The following RBMS3 variants were observed in gnomAD, a reference collection of about 807,000 sequenced individuals.
RBMS3 encodes RNA binding motif single stranded interacting protein 3.
In RBMS3, 27 loss-of-function variants were observed where a neutral mutation model predicts 66.8. That is an observed-to-expected ratio of 0.40 (90% CI 0.30 to 0.56). RBMS3 has a LOEUF of 0.56. Among genes scored for constraint, RBMS3 ranks in the 20% least tolerant of loss-of-function variants. RBMS3 has a pLI of 0.40. For synonymous variants in RBMS3, 188 were observed against 183.0 expected (o/e 1.03, Z -0.22); for missense variants, 513 against 549.5 (o/e 0.93, Z 0.66).
At chr3:29,720,141 T>A (rs1460257348) in intron 4 of RBMS3, among the ~76,000 whole-genome samples, 3 of 152,136 alleles carry the variant, frequency 2.0e-5, no homozygotes. Context: ...TTGGCCCTTT[T>A]TATTTACCCA....
In RBMS3 at chr3:29,660,133, A is replaced by G. The variant is rs556979193; in HGVS notation, c.399+72928A>G. On this transcript the variant is annotated intron_variant, in intron 4 of 14. Transcript: ENST00000383767. The stretch of plus-strand genomic sequence containing the variant: ...TAATTCCCTTTTCAGTGTGTTCACT[A>G]TTAGTGAGAGTGGGGTATTGGAGTC... Among the ~76,000 whole-genome samples the G allele has an allele frequency of 5.3e-5, 8 of 152,226 alleles. No individual in the cohort carries two copies. The South Asian group carries it at 1.5e-3, about 28-fold the overall frequency.
chr3:29,923,010 C>T (rs1383985480), intron 10 of RBMS3, among the ~76,000 whole-genome samples: 1 of 152,154 alleles, frequency 6.6e-6, no homozygotes, highest in Non-Finnish European at 1.5e-5. Context: ...CTGAATCATG[C>T]CCACAGATGC....
intron 4 of RBMS3, among the ~76,000 whole-genome samples, chr3:29,683,144 C>T (rs1005563087): frequency 6.6e-6 from 1 of 152,166 alleles, no homozygotes. Context: ...AACACTTCAG[C>T]AGATGTCAAG....
At chr3:29,422,997 A>G (rs995587880) in intron 1 of RBMS3, among the ~76,000 whole-genome samples, 2 of 152,250 alleles carry the variant, frequency 1.3e-5, no homozygotes, top group African/African-American at 4.8e-5. Context: ...GTCATGGAAT[A>G]TAGGTTATCG....
At chr3:29,426,342 A>T (rs2040959380) in intron 1 of RBMS3, among the ~76,000 whole-genome samples, 1 of 152,182 alleles carries the variant, frequency 6.6e-6, no homozygotes, top group South Asian at 2.1e-4. Flanking sequence ...TATTAATCAA[A>T]TTTGTTTATA....
chr3:29,365,672 A>G (rs557623205), intron 1 of RBMS3, among the ~76,000 whole-genome samples: 1 of 152,130 alleles, frequency 6.6e-6, no homozygotes, highest in African/African-American at 2.4e-5. Context: ...AATTTCTCCT[A>G]TGGATGCAAT....
chr3:29,960,389 C>T (rs964456624), intron 12 of RBMS3, among the ~76,000 whole-genome samples: 1 of 152,160 alleles, frequency 6.6e-6, no homozygotes, highest in African/African-American at 2.4e-5. Flanking sequence ...GAACAGCTCC[C>T]CTCCCAATTG....
At chr3:29,413,865 A>G (rs190797360) in intron 1 of RBMS3, among the ~76,000 whole-genome samples, 1 of 152,256 alleles carries the variant, frequency 6.6e-6, no homozygotes, top group African/African-American at 2.4e-5. Context: ...AAGATAATAA[A>G]TGCCTGCATC....
At chr3:29,554,261 C>G (rs541821324) in intron 3 of RBMS3, among the ~76,000 whole-genome samples, 1 of 152,182 alleles carries the variant, frequency 6.6e-6, no homozygotes, top group Non-Finnish European at 1.5e-5. Context: ...CACAAGAGTC[C>G]AATGAATTGA....
At chr3:29,887,177 C>T (rs17618346) in intron 8 of RBMS3, among the ~76,000 whole-genome samples, 8,089 of 151,694 alleles carry the variant, frequency 0.053, 294 homozygotes, top group South Asian at 0.082. Context: ...ATGTAATGAC[C>T]GACCGAAACT....
chr3:29,979,994 C>A (rs1697872192), intron 12 of RBMS3, among the ~76,000 whole-genome samples: 1 of 152,132 alleles, frequency 6.6e-6, no homozygotes, highest in Admixed American at 6.6e-5. Flanking sequence ...GGTTCTAGAT[C>A]CCTGAGGAAT....
chr3:29,384,435 T>G (rs113963108), intron 1 of RBMS3, among the ~76,000 whole-genome samples: 11,832 of 140,854 alleles, frequency 0.084, 584 homozygotes, highest in African/African-American at 0.14. Flanking sequence ...ATAATAATAA[T>G]AAGAAGAAGA....
chr3:29,772,215 C>A (rs2056239984), intron 6 of RBMS3, among the ~76,000 whole-genome samples: 2 of 151,986 alleles, frequency 1.3e-5, no homozygotes, highest in Non-Finnish European at 2.9e-5. Flanking sequence ...CTTGCTGACA[C>A]CTTGATTTTA....
At chr3:29,327,395 G>A (rs944626544) in intron 1 of RBMS3, among the ~76,000 whole-genome samples, 1 of 152,104 alleles carries the variant, frequency 6.6e-6, no homozygotes, top group Non-Finnish European at 1.5e-5. Flanking sequence ...AAAAGTTAAG[G>A]CTACCTCTAT....
intron 4 of RBMS3, among the ~76,000 whole-genome samples, chr3:29,723,105 G>A (rs1033964418): frequency 2.0e-5 from 3 of 151,934 alleles, no homozygotes; most frequent in Non-Finnish European, 4.4e-5. Context: ...CCTCCTGAAT[G>A]GCTGGGATTA....
chr3:29,919,682 A>G (rs2060719980), intron 10 of RBMS3, among the ~76,000 whole-genome samples: 1 of 152,206 alleles, frequency 6.6e-6, no homozygotes, highest in African/African-American at 2.4e-5. Flanking sequence ...TTCATGGTGT[A>G]GGCCTAGGGA....
chr3:29,855,718 G>T (rs2059057374), intron 6 of RBMS3, among the ~76,000 whole-genome samples: 1 of 152,176 alleles, frequency 6.6e-6, no homozygotes, highest in East Asian at 1.9e-4. Flanking sequence ...TCCAATGTCG[G>T]ACTGAATTAA....
intron 4 of RBMS3, among the ~76,000 whole-genome samples, chr3:29,665,894 A>G (rs1402434539): frequency 2.0e-5 from 3 of 152,192 alleles, no homozygotes; most frequent in Admixed American, 1.3e-4. Context: ...GTACCAGTTC[A>G]TATCTAATGT....
rs112180757 is a variant in RBMS3 at position 29,848,271 on chromosome 3, C to T, written c.638-20587C>T. On this transcript the variant is annotated intron_variant, in intron 6 of 14. Coordinates refer to ENST00000383767, the MANE Select transcript of RBMS3 (RefSeq NM_001003793.3). Reference sequence around the variant, plus strand: ...TGCATTTACAGGATCTTTCTCCAATCTGCCATAAGTCATTTTTCTTCCTAT... The same window carrying T: ...TGCATTTACAGGATCTTTCTCCAATTTGCCATAAGTCATTTTTCTTCCTAT... Among the ~76,000 whole-genome samples, 872 of 152,308 alleles carry T rather than the reference C, an allele frequency of 5.7e-3. 9 individuals carry two copies. Among genetic ancestry groups the T allele is most frequent in the African/African-American group, 0.02 (832 of 41,574 alleles).
Sources: gnomAD v4.1 joint callset for allele counts (sites outside exome capture counted in the v4.1 genomes callset) on GRCh38, gnomAD v4.1.1 for gene constraint, MANE v1.5 for transcripts, NCBI Gene and HGNC (gene_info 2026-07-23, HGNC 2026-07-21) for gene names.